Variants in ANKRD36 observed in about 807,000 individuals in gnomAD.
The protein encoded by ANKRD36 is ankyrin repeat domain-containing protein 36A.
Under a neutral mutation model 278.1 loss-of-function variants are expected in ANKRD36, and 179 were observed. That is an observed-to-expected ratio of 0.64 (90% CI 0.57 to 0.73). The LOEUF (loss-of-function observed/expected upper bound fraction) is 0.73, where lower values mean the gene tolerates loss of function less well. Ranked by LOEUF, ANKRD36 falls within the 30% of genes least tolerant of loss-of-function variation. The pLI, the probability that ANKRD36 is intolerant of heterozygous loss-of-function variation, is 0.00. For missense variants in ANKRD36, 1,159 were observed against 1,956.7 expected, an observed-to-expected ratio of 0.59 and a Z score of 7.69; for synonymous variants, 320 against 641.1, an observed-to-expected ratio of 0.50 and a Z score of 7.57.
At chr2:97,139,818 G>C (rs1173963098) in intron 6 of ANKRD36, among the ~76,000 whole-genome samples, 2 of 152,060 alleles carry the variant, frequency 1.3e-5, no homozygotes, top group Non-Finnish European at 2.9e-5. Context: ...ACAGTAAGGA[G>C]AGGAAATGGC....
intron 31 of ANKRD36, 30 bp downstream of exon 31, chr2:97,187,256 T>C (rs574052981): frequency 1.9e-6 from 3 of 1,609,008 alleles, no homozygotes; most frequent in Middle Eastern, 2.3e-4. Flanking sequence ...TATTGTGAAC[T>C]AGTAAATCTA....
intron 52 of ANKRD36, among the ~76,000 whole-genome samples, chr2:97,207,002 TA>T (rs2063037920): frequency 6.6e-6 from 1 of 151,604 alleles, no homozygotes; most frequent in African/African-American, 2.4e-5. Flanking sequence ...AATTAACTCC[TA>T]AAATGCTCAT....
Position 97,144,644 on chromosome 2 carries a change from C to T in ANKRD36, c.935C>T (p.Thr312Ile). 1 of 1,544,146 alleles carries T rather than the reference C, an allele frequency of 6.5e-7. No homozygotes were observed. The highest frequency in any genetic ancestry group is 2.4e-5 in the East Asian group (1 of 41,054). ...SSQKQPALKD[T>I]SDKDDSVSNT... ...TTTGTTTGAAATCCCACTCAGGATACAAGTGACAAGGATGATTCTGTTTCG... is the reference window on the plus strand; with the variant it reads ...TTTGTTTGAAATCCCACTCAGGATATAAGTGACAAGGATGATTCTGTTTCG... The change falls in exon 10 of 76, where the codon ACA (threonine) becomes ATA (isoleucine). Residue 312 changes from threonine to isoleucine, a missense_variant. Transcript: ENST00000420699.
At chr2:97,178,800 C>T (rs1033024532) in intron 22 of ANKRD36, among the ~76,000 whole-genome samples, 26 of 90,724 alleles carry the variant, frequency 2.9e-4, no homozygotes, top group African/African-American at 5.4e-4. Flanking sequence ...GCACAATGTG[C>T]GCATGTACCC....
intron 15 of ANKRD36, among the ~76,000 whole-genome samples, chr2:97,157,403 A>G (rs1316327206): frequency 1.3e-5 from 2 of 149,570 alleles, no homozygotes; most frequent in Non-Finnish European, 3.0e-5. Context: ...TTTAAAAATA[A>G]CTTACCTCAG....
chr2:97,139,410 TAGAAA>T (rs1490033131), intron 6 of ANKRD36, among the ~76,000 whole-genome samples: 1 of 152,070 alleles, frequency 6.6e-6, no homozygotes, highest in Non-Finnish European at 1.5e-5. Context: ...TAAAACCTTG[TAGAAA>T]AGTTCAGACA....
rs1381100851 is a variant in ANKRD36, at chr2:97,136,703, G to C, written c.800-5937G>C. ...ATTGTTGTTGCGGTGTGAGAGAAGA[G>C]GAACATCATGTTGAATATGTGTTTT... On this transcript the variant is annotated intron_variant, in intron 6 of 75. Transcript: ENST00000420699. 2.0e-5 allele frequency among the ~76,000 whole-genome samples: 3 copies of C among 151,670 alleles called. 1 individual carries two copies. The highest frequency in any genetic ancestry group is 4.4e-5 in the Non-Finnish European group (3 of 67,952).
intron 26 of ANKRD36, among the ~76,000 whole-genome samples, chr2:97,183,007 C>G (rs2056610404): frequency 1.3e-5 from 2 of 151,628 alleles, no homozygotes; most frequent in Non-Finnish European, 2.9e-5. Flanking sequence ...TGTACCTCCT[C>G]AATTACCAGG....
At chr2:97,242,045 ACTTT>A (rs1207161056) in intron 69 of ANKRD36, among the ~76,000 whole-genome samples, 1 of 137,950 alleles carries the variant, frequency 7.2e-6, no homozygotes, top group Non-Finnish European at 1.5e-5. Context: ...TAATCCCAGC[ACTTT>A]GGTAGGCCGA....
intron 50 of ANKRD36, 59 bp from the exon 51 acceptor site, chr2:97,205,881 G>A (rs2062708920): frequency 1.1e-5 from 17 of 1,502,528 alleles, no homozygotes; most frequent in East Asian, 7.4e-5. Flanking sequence ...CTGCTTGAAT[G>A]TATGGATATC....
chr2:97,134,722 G>A (rs1180314792), intron 6 of ANKRD36, among the ~76,000 whole-genome samples: 2 of 152,060 alleles, frequency 1.3e-5, no homozygotes, highest in South Asian at 2.1e-4. Context: ...TGAGACAACT[G>A]TTGGCACATC....
At chr2:97,219,825 G>A (rs1293233272) in intron 66 of ANKRD36, among the ~76,000 whole-genome samples, 3 of 141,176 alleles carry the variant, frequency 2.1e-5, no homozygotes, top group Non-Finnish European at 3.0e-5. Flanking sequence ...TTTACATTTT[G>A]ATACTCTGAA....
intron 52 of ANKRD36, 80 bp from the exon 53 acceptor site, chr2:97,207,731 T>C: frequency 6.5e-7 from 1 of 1,537,130 alleles, no homozygotes; most frequent in Middle Eastern, 2.3e-4. Flanking sequence ...GGACAGAGGT[T>C]GATGCTAACA....
chr2:97,258,774 G>GT (rs1183526769), intron 75 of ANKRD36, among the ~76,000 whole-genome samples: 23 of 117,640 alleles, frequency 2.0e-4, no homozygotes, highest in African/African-American at 3.9e-4. Context: ...TGTATTTCTT[G>GT]TTTTTTTGCT....
chr2:97,137,592 TAC>T (rs35336868), intron 6 of ANKRD36, among the ~76,000 whole-genome samples: 10 of 150,672 alleles, frequency 6.6e-5, no homozygotes, highest in Non-Finnish European at 8.9e-5. Context: ...TATATATATA[TAC>T]ACACACACAC....
intron 64 of ANKRD36, 140 bp from the exon 65 acceptor site, chr2:97,218,910 C>G: frequency 7.5e-7 from 1 of 1,329,704 alleles, no homozygotes; most frequent in South Asian, 1.6e-5. Context: ...ATTACTGTCC[C>G]AAAGAAACAA....
At chr2:97,222,330 T>G (rs1209322593) in intron 66 of ANKRD36, among the ~76,000 whole-genome samples, 5 of 152,100 alleles carry the variant, frequency 3.3e-5, no homozygotes, top group African/African-American at 1.2e-4. Flanking sequence ...TTTCTTGCTT[T>G]TGAATCGTTA....
intron 6 of ANKRD36, among the ~76,000 whole-genome samples, chr2:97,132,190 A>T (rs2153430960): frequency 6.6e-6 from 1 of 151,238 alleles, no homozygotes; most frequent in South Asian, 2.1e-4. Flanking sequence ...ATGGTTGTTC[A>T]CAGGCACAAT....
At chr2:97,123,113 A>G in intron 4 of ANKRD36, 120 bp downstream of exon 4, 2 of 803,176 alleles carry the variant, frequency 2.5e-6, no homozygotes, top group Non-Finnish European at 3.7e-6. Flanking sequence ...TTATTGGGAT[A>G]TAGTGAGAAA....
Sources: gnomAD v4.1 joint callset for allele counts (sites outside exome capture counted in the v4.1 genomes callset) on GRCh38, gnomAD v4.1.1 for gene constraint, MANE v1.5 for transcripts, NCBI Gene and HGNC (gene_info 2026-07-23, HGNC 2026-07-21) for gene names.